The following GABRG3 variants were observed in gnomAD, a reference collection of about 807,000 sequenced individuals.
GABRG3 encodes the protein gamma-aminobutyric acid type A receptor subunit gamma3.
Under a neutral mutation model 48.8 loss-of-function variants are expected in GABRG3, and 25 were observed. The observed-to-expected ratio is 0.51, with a 90% CI of 0.37 to 0.72. The LOEUF (loss-of-function observed/expected upper bound fraction) is 0.72. Among genes scored for constraint, GABRG3 ranks in the 30% least tolerant of loss-of-function variants. The probability of loss-of-function intolerance (pLI) is 0.00; values close to 1 mark genes in which losing one functional copy is unlikely to be tolerated. For synonymous variants in GABRG3, 227 were observed against 217.6 expected, an observed-to-expected ratio of 1.04 and a Z score of -0.38; for missense variants, 394 against 577.9, an observed-to-expected ratio of 0.68 and a Z score of 3.26.
At chr15:27,338,511 A>T (rs1217992206) in intron 5 of GABRG3, among the ~76,000 whole-genome samples, 1 of 152,144 alleles carries the variant, frequency 6.6e-6, no homozygotes, top group Non-Finnish European at 1.5e-5. Context: ...TTTGATTCAG[A>T]CGCTGGTTCA....
At position 27,527,680 on chromosome 15, in the gene GABRG3, A is replaced by G. The variant is rs1178025967; in HGVS notation, c.1062+51A>G. On this transcript the variant is annotated intron_variant, in intron 8 of 9. Coordinates refer to ENST00000615808, the MANE Select transcript of GABRG3 (RefSeq NM_033223.5). ...CGGGAGGTAATGGGGGCGCTGTTTG[A>G]GATGAGTGTGTACTTAAATGCAGTT... 1.0e-5 allele frequency: 15 copies of G among 1,479,918 alleles called. No individual in the cohort carries two copies. The East Asian group carries it at 3.4e-4, about 33-fold the overall frequency. 91.7% of individuals were successfully genotyped at this position (1,479,918 alleles called of 1,614,324 possible).
At chr15:27,168,168 C>T (rs1887442994) in intron 3 of GABRG3, among the ~76,000 whole-genome samples, 1 of 151,812 alleles carries the variant, frequency 6.6e-6, no homozygotes, top group South Asian at 2.1e-4. Flanking sequence ...AGACATCTCC[C>T]AATACATGGC....
chr15:27,512,815 A>C (rs1408710005), intron 6 of GABRG3, among the ~76,000 whole-genome samples: 1 of 152,142 alleles, frequency 6.6e-6, no homozygotes, highest in Non-Finnish European at 1.5e-5. Context: ...ATTTGTGCTG[A>C]GTTGACCCCT....
intron 3 of GABRG3, among the ~76,000 whole-genome samples, chr15:27,293,024 G>T (rs2140487576): frequency 6.6e-6 from 1 of 152,304 alleles, no homozygotes; most frequent in South Asian, 2.1e-4. Flanking sequence ...TAGGGAAACT[G>T]CATTCATTGA....
At chr15:27,131,336 C>T (rs1897912942) in intron 3 of GABRG3, among the ~76,000 whole-genome samples, 2 of 152,024 alleles carry the variant, frequency 1.3e-5, no homozygotes, top group South Asian at 4.2e-4. Context: ...GTTTATTGCA[C>T]TGATTGATTT....
chr15:27,052,738 G>C (rs1396560339), intron 3 of GABRG3, among the ~76,000 whole-genome samples: 1 of 152,190 alleles, frequency 6.6e-6, no homozygotes, highest in Non-Finnish European at 1.5e-5. Context: ...TGGATCAAAA[G>C]AAGAGGGAAA....
intron 3 of GABRG3, among the ~76,000 whole-genome samples, chr15:27,292,460 A>T (rs1422263309): frequency 6.6e-6 from 1 of 152,156 alleles, no homozygotes; most frequent in African/African-American, 2.4e-5. Context: ...TCCTTCCCCT[A>T]ATTCAGATAT....
intron 3 of GABRG3, among the ~76,000 whole-genome samples, chr15:27,143,965 T>G (rs1380558876): frequency 6.6e-6 from 1 of 152,186 alleles, no homozygotes; most frequent in Admixed American, 6.5e-5. Flanking sequence ...CAATATTTTG[T>G]TACTTTTTGG....
At chr15:27,091,589 C>T (rs759248497) in intron 3 of GABRG3, among the ~76,000 whole-genome samples, 55 of 152,280 alleles carry the variant, frequency 3.6e-4, no homozygotes, top group Admixed American at 2.0e-3. Flanking sequence ...GCTATCTGAT[C>T]GTGGGCTTTT....
chr15:27,210,582 C>T (rs1258675005), intron 3 of GABRG3, among the ~76,000 whole-genome samples: 1 of 152,228 alleles, frequency 6.6e-6, no homozygotes, highest in Non-Finnish European at 1.5e-5. Context: ...AGCACCACGT[C>T]TACTGTGCCT....
At chr15:27,091,636 C>A (rs764658280) in intron 3 of GABRG3, among the ~76,000 whole-genome samples, 2 of 152,190 alleles carry the variant, frequency 1.3e-5, no homozygotes, top group Non-Finnish European at 2.9e-5. Context: ...TTCAACCTCG[C>A]TGTTTGCTCT....
Position 27,536,410 on chromosome 15 carries a change from T to C in GABRG3, c.*3529T>C, listed in dbSNP as rs1319174935. On this transcript the variant is annotated 3_prime_UTR_variant, in exon 10 of 10. Coordinates refer to ENST00000615808, the MANE Select transcript of GABRG3 (RefSeq NM_033223.5). ...AGAAAGCTCAAATAATACACATCTT[T>C]TAAGATTTTCCATTTCCTGCAGTTA... The C allele has an allele frequency of 6.6e-6, 1 of 152,196 alleles. No homozygotes were observed. Among genetic ancestry groups the C allele is most frequent in the Non-Finnish European group, 1.5e-5 (1 of 68,044 alleles). The allele number at this position is 152,196 out of a possible 1,614,324, so 9.4% of individuals were successfully genotyped here.
intron 5 of GABRG3, among the ~76,000 whole-genome samples, chr15:27,432,637 T>C (rs1402363745): frequency 1.3e-5 from 2 of 152,230 alleles, no homozygotes; most frequent in Non-Finnish European, 2.9e-5. Flanking sequence ...GAACACATTT[T>C]TCTGACTGAA....
chr15:27,512,242 A>G (rs1346148362), intron 6 of GABRG3, among the ~76,000 whole-genome samples: 2 of 151,976 alleles, frequency 1.3e-5, no homozygotes, highest in Non-Finnish European at 2.9e-5. Context: ...TTGTATTATT[A>G]TTATTACAAT....
intron 7 of GABRG3, among the ~76,000 whole-genome samples, chr15:27,527,149 A>G (rs1404834851): frequency 6.6e-6 from 1 of 152,240 alleles, no homozygotes; most frequent in African/African-American, 2.4e-5. Context: ...AAGAGCGTCT[A>G]CGTTAAAAAT....
intron 3 of GABRG3, among the ~76,000 whole-genome samples, chr15:27,220,383 C>A (rs1445593186): frequency 6.6e-6 from 1 of 152,084 alleles, no homozygotes; most frequent in Non-Finnish European, 1.5e-5. Flanking sequence ...GGATAAGGAA[C>A]CCTGGTGATT....
At chr15:27,068,310 C>A (rs1393981736) in intron 3 of GABRG3, among the ~76,000 whole-genome samples, 1 of 152,218 alleles carries the variant, frequency 6.6e-6, no homozygotes, top group Middle Eastern at 3.2e-3. Flanking sequence ...GAGCTGGGCA[C>A]TGGGGAAACT....
intron 2 of GABRG3, among the ~76,000 whole-genome samples, chr15:27,004,163 C>T (rs555948338): frequency 0.011 from 1,674 of 150,562 alleles, 21 homozygotes; most frequent in African/African-American, 0.038. Flanking sequence ...GGGTGGCTGC[C>T]GGGCGGAGAG....
chr15:27,333,309 TA>T (rs1893861185), intron 5 of GABRG3, among the ~76,000 whole-genome samples: 1 of 152,180 alleles, frequency 6.6e-6, no homozygotes, highest in Non-Finnish European at 1.5e-5. Context: ...TGAACTGGGC[TA>T]AAATCAAGGT....
Sources: gnomAD v4.1 joint callset for allele counts (sites outside exome capture counted in the v4.1 genomes callset) on GRCh38, gnomAD v4.1.1 for gene constraint, MANE v1.5 for transcripts, NCBI Gene and HGNC (gene_info 2026-07-23, HGNC 2026-07-21) for gene names.